TMEM131L: variants seen among roughly 807,000 people sequenced by gnomAD.
TMEM131L encodes transmembrane protein 131-like.
TMEM131L carries 54 observed loss-of-function variants against 192.2 expected under a neutral mutation model. That is an observed-to-expected ratio of 0.28 (90% confidence interval 0.23 to 0.35). TMEM131L has a LOEUF of 0.35. Among genes scored for constraint, TMEM131L ranks in the 10% least tolerant of loss-of-function variants. The probability of loss-of-function intolerance (pLI) is 1.00; values close to 1 mark genes in which losing one functional copy is unlikely to be tolerated. For missense variants in TMEM131L, 1,888 were observed against 1,972.9 expected, an observed-to-expected ratio of 0.96 and a Z score of 0.82; for synonymous variants, 701 against 704.9, an observed-to-expected ratio of 0.99 and a Z score of 0.09.
intron 19 of TMEM131L, among the ~76,000 whole-genome samples, chr4:153,594,153 A>G (rs758929171): frequency 1.8e-4 from 28 of 152,214 alleles, no homozygotes; most frequent in Non-Finnish European, 3.1e-4. Flanking sequence ...ATGAAACTTG[A>G]GACCCCAGAA....
rs117318196 is a variant in TMEM131L, at chr4:153,589,092, A to G, written c.1670+85A>G. 8,675 of 733,162 alleles carry G rather than the reference A, an allele frequency of 0.012. 739 individuals are homozygous for G. The Admixed American group carries it at 0.16, about 13-fold the overall frequency. The allele number at this position is 733,162 out of a possible 1,614,324, so 45.4% of individuals were successfully genotyped here. On this transcript the variant is annotated intron_variant, in intron 16 of 34. Coordinates refer to ENST00000409959, the MANE Select transcript of TMEM131L (RefSeq NM_001131007.2). ...CTCCTTACCTGCGGGGACACATTCT[A>G]AGACCCCCCTCTCACCCCACCGTAG...
chr4:153,558,426 A>G, intron 7 of TMEM131L, 58 bp downstream of exon 7: 1 of 979,858 alleles, frequency 1.0e-6, no homozygotes, highest in South Asian at 1.5e-5. Flanking sequence ...TAACCTTCTC[A>G]GAATTGGTTA....
intron 25 of TMEM131L, among the ~76,000 whole-genome samples, chr4:153,607,279 A>C (rs774709831): frequency 1.3e-5 from 2 of 152,252 alleles, no homozygotes; most frequent in African/African-American, 2.4e-5. Context: ...AAGCATATAT[A>C]TAAGAACCTT....
chr4:153,531,174 A>G (rs1237043926), intron 3 of TMEM131L, among the ~76,000 whole-genome samples: 1 of 152,190 alleles, frequency 6.6e-6, no homozygotes, highest in African/African-American at 2.4e-5. Flanking sequence ...ATGCATGTAC[A>G]CTGGAATTGT....
intron 3 of TMEM131L, among the ~76,000 whole-genome samples, chr4:153,533,139 A>C (rs1024252973): frequency 6.6e-6 from 1 of 151,968 alleles, no homozygotes; most frequent in African/African-American, 2.4e-5. Context: ...GGCATGCACT[A>C]CCACACCCGG....
At chr4:153,618,463 A>T (rs1733149831) in intron 26 of TMEM131L, among the ~76,000 whole-genome samples, 1 of 138,716 alleles carries the variant, frequency 7.2e-6, no homozygotes, top group African/African-American at 2.8e-5. Context: ...GCAACAGAGC[A>T]AGACCCTGTC....
At chr4:153,484,087 A>G (rs1419951617) in intron 3 of TMEM131L, among the ~76,000 whole-genome samples, 1 of 152,148 alleles carries the variant, frequency 6.6e-6, no homozygotes, top group Non-Finnish European at 1.5e-5. Flanking sequence ...GTCTAGGAAC[A>G]CCAATATTAA....
At chr4:153,622,834 C>T in intron 28 of TMEM131L, 64 bp from the exon 29 acceptor site, 2 of 1,528,846 alleles carry the variant, frequency 1.3e-6, no homozygotes, top group African/African-American at 1.4e-5. Context: ...CTCTCTCTTT[C>T]TGTTAGAAAT....
At chr4:153,552,399 C>T (rs1242965976) in intron 4 of TMEM131L, among the ~76,000 whole-genome samples, 1 of 152,096 alleles carries the variant, frequency 6.6e-6, no homozygotes, top group Non-Finnish European at 1.5e-5. Flanking sequence ...ATCCTATAGT[C>T]GATGCACATG....
At chr4:153,559,598 C>G (rs150482688) in intron 7 of TMEM131L, among the ~76,000 whole-genome samples, 1 of 152,078 alleles carries the variant, frequency 6.6e-6, no homozygotes, top group Non-Finnish European at 1.5e-5. Flanking sequence ...AACAGCGTAC[C>G]CATTCTCTCA....
chr4:153,494,517 A>G (rs917690145), intron 3 of TMEM131L, among the ~76,000 whole-genome samples: 10 of 152,216 alleles, frequency 6.6e-5, no homozygotes, highest in Non-Finnish European at 1.3e-4. Flanking sequence ...CATAAGGTAC[A>G]TTAAAAAGTA....
At chr4:153,554,709 C>G (rs1402386492) in intron 4 of TMEM131L, among the ~76,000 whole-genome samples, 1 of 152,224 alleles carries the variant, frequency 6.6e-6, no homozygotes, top group Non-Finnish European at 1.5e-5. Context: ...ATTTGGCTCT[C>G]TCTGCCACTG....
intron 15 of TMEM131L, 101 bp downstream of exon 15, chr4:153,587,912 A>C: frequency 5.8e-6 from 5 of 862,056 alleles, no homozygotes; most frequent in Non-Finnish European, 1.0e-5. Context: ...AGTTCTGTAA[A>C]GGCATCATAT....
intron 6 of TMEM131L, 112 bp downstream of exon 6, chr4:153,557,194 T>C: frequency 1.5e-6 from 1 of 660,318 alleles, no homozygotes; most frequent in Non-Finnish European, 2.7e-6. Context: ...TTTATGTCGT[T>C]AAAATACAAG....
intron 3 of TMEM131L, among the ~76,000 whole-genome samples, chr4:153,508,519 T>C (rs1279554900): frequency 6.6e-6 from 1 of 152,200 alleles, no homozygotes; most frequent in Non-Finnish European, 1.5e-5. Context: ...TGCCAGGCAA[T>C]GTGCTAGGTT....
intron 7 of TMEM131L, among the ~76,000 whole-genome samples, chr4:153,566,223 C>T (rs1044361011): frequency 1.3e-5 from 2 of 151,944 alleles, no homozygotes; most frequent in Non-Finnish European, 2.9e-5. Context: ...GCAAGCTCCG[C>T]CTCCCAGGTT....
At chr4:153,595,133 A>G (rs1420057370) in intron 19 of TMEM131L, among the ~76,000 whole-genome samples, 3 of 152,224 alleles carry the variant, frequency 2.0e-5, no homozygotes, top group African/African-American at 7.2e-5. Context: ...AGAATAGTTA[A>G]TATCAGTGCC....
At chr4:153,540,327 C>T (rs893803821) in intron 3 of TMEM131L, among the ~76,000 whole-genome samples, 4 of 152,058 alleles carry the variant, frequency 2.6e-5, no homozygotes, top group East Asian at 1.9e-4. Flanking sequence ...TGTTTTTTCA[C>T]TTCGTTAAAA....
At chr4:153,613,520 C>T (rs1732772739) in intron 26 of TMEM131L, among the ~76,000 whole-genome samples, 1 of 152,034 alleles carries the variant, frequency 6.6e-6, no homozygotes, top group South Asian at 2.1e-4. Flanking sequence ...TTTTCTTAAC[C>T]TTAGAGAGAT....
Sources: allele counts gnomAD v4.1 joint callset (sites outside exome capture counted in the v4.1 genomes callset), GRCh38; gene constraint gnomAD v4.1.1; transcripts MANE v1.5; gene names NCBI Gene and HGNC (gene_info 2026-07-23, HGNC 2026-07-21).